Variants in BCAS3 observed in about 807,000 individuals in gnomAD.
BCAS3 encodes the protein BCAS4/BCAS3 fusion.
A neutral mutation model predicts 116.1 loss-of-function variants in BCAS3; 53 were observed. The ratio of observed to expected loss-of-function variants is 0.46; its 90% CI spans 0.37 to 0.57. The LOEUF is 0.57. Among genes scored for constraint, BCAS3 ranks in the 20% least tolerant of loss-of-function variants. The pLI is 0.00. For missense variants in BCAS3, 917 were observed against 1,165.4 expected (o/e 0.79, Z 3.10); for synonymous variants, 391 against 408.2 (o/e 0.96, Z 0.51).
rs537244823 is a variant in BCAS3 at position 61,144,531 on chromosome 17, G to A, written c.2425+59967G>A. 6.6e-6 allele frequency among the ~76,000 whole-genome samples: 1 copy of A among 152,246 alleles called. No individual in the cohort carries two copies. Among genetic ancestry groups the A allele is most frequent in the South Asian group, 2.1e-4 (1 of 4,816 alleles). On this transcript the variant is annotated intron_variant, in intron 22 of 23. Coordinates refer to ENST00000407086, the MANE Select transcript of BCAS3 (RefSeq NM_017679.5). The surrounding 1 kb of genome is among the most constrained non-coding windows in gnomAD (Gnocchi z 5.0). ...CAGCCCTTTTTAGGCCTAAAATGTT[G>A]ACTACTTTATCTCTGTTACCTTTCT...
At chr17:60,732,661 A>G (rs2040572321) in intron 5 of BCAS3, among the ~76,000 whole-genome samples, 1 of 152,068 alleles carries the variant, frequency 6.6e-6, no homozygotes, top group Admixed American at 6.6e-5. Flanking sequence ...CAACATGGTG[A>G]AACCCCGTGT....
In BCAS3 at chr17:61,083,788, G is replaced by A. The variant is rs2072855957; in HGVS notation, c.2328-679G>A. On this transcript the variant is annotated intron_variant, in intron 21 of 23. Coordinates refer to ENST00000407086, the MANE Select transcript of BCAS3 (RefSeq NM_017679.5). The surrounding 1 kb of genome is among the most constrained non-coding windows in gnomAD (Gnocchi z 4.9). ...TTTTTGCATTTTTAGTAGAGACGGGGCTTCACCGTGTTAGCCAGGATGGAT... is the reference window on the plus strand; with the variant it reads ...TTTTTGCATTTTTAGTAGAGACGGGACTTCACCGTGTTAGCCAGGATGGAT... Among the ~76,000 whole-genome samples the A allele has an allele frequency of 6.6e-6, 1 of 151,928 alleles. No homozygotes were observed. The highest frequency in any genetic ancestry group is 2.4e-5 in the African/African-American group (1 of 41,374).
intron 6 of BCAS3, among the ~76,000 whole-genome samples, chr17:60,762,416 A>G (rs959390118): frequency 6.6e-6 from 1 of 152,156 alleles, no homozygotes; most frequent in Admixed American, 6.5e-5. Context: ...CTTTCTACAT[A>G]TGGCTAGCCA....
intron 19 of BCAS3, among the ~76,000 whole-genome samples, chr17:61,045,866 A>ATATAT (rs1166454514): frequency 3.0e-5 from 1 of 33,866 alleles, no homozygotes; most frequent in South Asian, 5.6e-4. Context: ...TATATATATA[A>ATATAT]ATATATATAA....
At chr17:60,813,673 C>T (rs1174867767) in intron 7 of BCAS3, among the ~76,000 whole-genome samples, 1 of 152,102 alleles carries the variant, frequency 6.6e-6, no homozygotes, top group Non-Finnish European at 1.5e-5. Context: ...TTAATTAGTT[C>T]CCAATTGTCG....
intron 7 of BCAS3, among the ~76,000 whole-genome samples, chr17:60,822,394 C>T (rs545801775): frequency 6.6e-6 from 1 of 152,176 alleles, no homozygotes; most frequent in African/African-American, 2.4e-5. Flanking sequence ...TCATATCTCC[C>T]TGTTATTTGG....
Position 61,241,137 on chromosome 17 carries a change from A to G in BCAS3, c.2426-127190A>G, listed in dbSNP as rs2047480042. ...AGCTTTCTTTGGGGGACCCTCATAT[A>G]GTGGGCACACTGAATATGTGGATTT... On this transcript the variant is annotated intron_variant, in intron 22 of 23. Transcript: ENST00000407086. The surrounding 1 kb of genome is among the most constrained non-coding windows in gnomAD (Gnocchi z 4.6). Among the ~76,000 whole-genome samples, 1 of 152,204 alleles carries G rather than the reference A, an allele frequency of 6.6e-6. No homozygotes were observed. The highest frequency in any genetic ancestry group is 2.4e-5 in the African/African-American group (1 of 41,448).
At chr17:60,805,857 G>GTTTT (rs558273934) in intron 6 of BCAS3, among the ~76,000 whole-genome samples, 4 of 122,126 alleles carry the variant, frequency 3.3e-5, no homozygotes, top group African/African-American at 1.0e-4. Context: ...CTCAGCCTAA[G>GTTTT]TTTTTTTTTT....
At chr17:60,732,731 C>T (rs946603607) in intron 5 of BCAS3, among the ~76,000 whole-genome samples, 6 of 152,026 alleles carry the variant, frequency 3.9e-5, no homozygotes, top group African/African-American at 1.4e-4. Context: ...CCCAGCTACT[C>T]AGGAGGCTGA....
intron 10 of BCAS3, among the ~76,000 whole-genome samples, chr17:60,895,131 A>G (rs959177715): frequency 3.3e-5 from 5 of 152,012 alleles, no homozygotes; most frequent in African/African-American, 1.2e-4. Context: ...TAGTTTCAGG[A>G]AAATTGGTGA....
In BCAS3 at chr17:61,265,724, C is replaced by T. The variant is rs1396760391; in HGVS notation, c.2426-102603C>T. Among the ~76,000 whole-genome samples the T allele has an allele frequency of 6.6e-6, 1 of 151,998 alleles. No individual in the cohort carries two copies. The highest frequency in any genetic ancestry group is 6.6e-5 in the Admixed American group (1 of 15,262). Reference sequence around the variant, plus strand: ...CCCCCCCATCAAGTAGTATATCTGCCAGGGTTTGTGTGTGTCATACTGTCC... The same window carrying T: ...CCCCCCCATCAAGTAGTATATCTGCTAGGGTTTGTGTGTGTCATACTGTCC... On this transcript the variant is annotated intron_variant, in intron 22 of 23. Coordinates refer to ENST00000407086, the MANE Select transcript of BCAS3 (RefSeq NM_017679.5). This position sits in a 1 kb window ranked among gnomAD's most constrained non-coding sequence, Gnocchi z 4.3.
chr17:61,063,549 G>C lies in BCAS3; in HGVS notation c.2030-11371G>C, dbSNP rs1434873675. Among the ~76,000 whole-genome samples, 1 of 152,148 alleles carries C rather than the reference G, an allele frequency of 6.6e-6. No homozygotes were observed. Among genetic ancestry groups the C allele is most frequent in the Non-Finnish European group, 1.5e-5 (1 of 68,020 alleles). On this transcript the variant is annotated intron_variant, in intron 19 of 23. Transcript: ENST00000407086. This position sits in a 1 kb window ranked among gnomAD's most constrained non-coding sequence, Gnocchi z 5.3. ...CCCAAAGTGCTGGGATTACAGGCAT[G>C]AGCCACCATGCCCGGCCTCCTGTTA... is the stretch of plus-strand genomic sequence containing the variant.
chr17:60,807,117 G>A (rs1435965043), intron 6 of BCAS3, among the ~76,000 whole-genome samples: 1 of 151,978 alleles, frequency 6.6e-6, no homozygotes, highest in Middle Eastern at 3.2e-3. Flanking sequence ...ATATGATTAG[G>A]TATAGAGTCT....
rs1257352960 is a variant in BCAS3 at position 61,136,422 on chromosome 17, A to T, written c.2425+51858A>T. On this transcript the variant is annotated intron_variant, in intron 22 of 23. Coordinates refer to ENST00000407086, the MANE Select transcript of BCAS3 (RefSeq NM_017679.5). This position sits in a 1 kb window ranked among gnomAD's most constrained non-coding sequence, Gnocchi z 4.4. ...TACTGAAGGTATTTTGGACTGGACA[A>T]TTCTTTGTGTGCAGCTGTTTTATGC... 6.6e-6 allele frequency among the ~76,000 whole-genome samples: 1 copy of T among 152,150 alleles called. No individual in the cohort carries two copies. The highest frequency in any genetic ancestry group is 2.4e-5 in the African/African-American group (1 of 41,426).
At chr17:61,044,465 A>AAAAAAAAAAAAAAAAATAT in intron 19 of BCAS3, among the ~76,000 whole-genome samples, 3 of 120,124 alleles carry the variant, frequency 2.5e-5, no homozygotes, top group African/African-American at 1.0e-4. Context: ...AAAAAAAAAA[A>AAAAAAAAAAAAAAAAATAT]ATATATATAT....
intron 14 of BCAS3, among the ~76,000 whole-genome samples, chr17:60,953,888 C>T (rs1282562633): frequency 6.6e-6 from 1 of 152,054 alleles, no homozygotes; most frequent in Non-Finnish European, 1.5e-5. Flanking sequence ...CACCTGCCAC[C>T]ACATCCAGCT....
At chr17:60,714,130 C>T (rs1326963539) in intron 5 of BCAS3, among the ~76,000 whole-genome samples, 1 of 152,088 alleles carries the variant, frequency 6.6e-6, no homozygotes, top group East Asian at 1.9e-4. Flanking sequence ...AGCTACCGTG[C>T]CTGGCCTGCT....
chr17:60,805,558 T>TG (rs2048193892), intron 6 of BCAS3, among the ~76,000 whole-genome samples: 1 of 152,154 alleles, frequency 6.6e-6, no homozygotes, highest in East Asian at 1.9e-4. Flanking sequence ...CTGGGCGCGG[T>TG]GGCTCACGCC....
intron 22 of BCAS3, among the ~76,000 whole-genome samples, chr17:61,094,168 G>T (rs773695381): frequency 6.6e-6 from 1 of 152,142 alleles, no homozygotes; most frequent in Non-Finnish European, 1.5e-5. Context: ...TTTTTAAGCT[G>T]TATTCACCTA....
Sources: gnomAD v4.1 joint callset for allele counts (sites outside exome capture counted in the v4.1 genomes callset) on GRCh38, gnomAD v4.1.1 for gene constraint, Gnocchi (gnomAD v3.1) non-coding constraint, MANE v1.5 for transcripts, NCBI Gene and HGNC (gene_info 2026-07-23, HGNC 2026-07-21) for gene names.